The following CLIP1 variants were observed in gnomAD, a reference collection of about 807,000 sequenced individuals.
CLIP1 encodes the protein CAP-Gly domain-containing linker protein 1.
A neutral mutation model predicts 161.6 loss-of-function variants in CLIP1; 66 were observed. The ratio of observed to expected loss-of-function variants is 0.41; its 90% CI spans 0.33 to 0.50. The LOEUF is 0.50. Ranked by LOEUF, CLIP1 falls within the 20% of genes least tolerant of loss-of-function variation. The pLI, the probability that CLIP1 is intolerant of heterozygous loss-of-function variation, is 0.27. For synonymous variants in CLIP1, 598 were observed against 626.2 expected, an observed-to-expected ratio of 0.96 and a Z score of 0.67; for missense variants, 1,376 against 1,702.0, an observed-to-expected ratio of 0.81 and a Z score of 3.37.
In CLIP1 at chr12:122,311,265, G is replaced by A. The variant is rs1951052803; in HGVS notation, c.3474-1383C>T. ...CTGCCTTCATGAGTGGCTACATGGT[G>A]TCTGCATGTGTGTGGCCTGTCAAAG... On this transcript the variant is annotated intron_variant, in intron 19 of 25. Transcript: ENST00000620786. This position sits in a 1 kb window ranked among gnomAD's most constrained non-coding sequence, Gnocchi z 4.3. 6.6e-6 allele frequency among the ~76,000 whole-genome samples: 1 copy of A among 151,954 alleles called. No individual in the cohort carries two copies. The highest frequency in any genetic ancestry group is 1.5e-5 in the Non-Finnish European group (1 of 67,986).
chr12:122,301,110 A>G lies in CLIP1; in HGVS notation c.3594+8652T>C, dbSNP rs138631527. Among the ~76,000 whole-genome samples the G allele has an allele frequency of 3.0e-4, 46 of 152,336 alleles. No homozygotes were observed. The East Asian group carries it at 6.6e-3, about 22-fold the overall frequency. On this transcript the variant is annotated intron_variant, in intron 20 of 25. Transcript: ENST00000620786. ...GAATCGTTCCAGATTAAAGATGACT[A>G]AAGAGACACGACAACTCAGTGAAAA...
chr12:122,388,434 T>C (rs1220674060), intron 1 of CLIP1, among the ~76,000 whole-genome samples: 1 of 152,154 alleles, frequency 6.6e-6, no homozygotes, highest in African/African-American at 2.4e-5. Flanking sequence ...TTAGCCAGGA[T>C]GGTCTCCATC....
intron 5 of CLIP1, among the ~76,000 whole-genome samples, chr12:122,357,913 C>A (rs1041356391): frequency 6.6e-6 from 1 of 151,892 alleles, no homozygotes; most frequent in African/African-American, 2.4e-5. Context: ...CCCCTCTGCC[C>A]GGCCACCACC....
intron 20 of CLIP1, among the ~76,000 whole-genome samples, chr12:122,299,099 A>T (rs1472966262): frequency 6.6e-6 from 1 of 152,204 alleles, no homozygotes; most frequent in Non-Finnish European, 1.5e-5. Context: ...TGCTGAAAAG[A>T]CAACAGCTAC....
At chr12:122,381,757 C>T (rs1332300775) in intron 1 of CLIP1, among the ~76,000 whole-genome samples, 3 of 152,200 alleles carry the variant, frequency 2.0e-5, no homozygotes, top group Non-Finnish European at 2.9e-5. Context: ...GACAAAGGTA[C>T]ATGCAGCCCA....
intron 1 of CLIP1, among the ~76,000 whole-genome samples, chr12:122,412,207 C>G (rs1438324012): frequency 6.6e-6 from 1 of 151,058 alleles, no homozygotes; most frequent in Non-Finnish European, 1.5e-5. Flanking sequence ...TAGCTGAGAC[C>G]ACAGGTACAC....
At position 122,298,057 on chromosome 12, in the gene CLIP1, C is replaced by G. The variant is rs571976220; in HGVS notation, c.3595-9516G>C. ...CCCACGGCATTGGTCAAGGCTGTTG[C>G]TGGGCCTGCATCATGGCTCAGTTTC... On this transcript the variant is annotated intron_variant, in intron 20 of 25. Transcript: ENST00000620786. 4.6e-5 allele frequency among the ~76,000 whole-genome samples: 7 copies of G among 152,328 alleles called. No homozygotes were observed. The East Asian group carries it at 1.4e-3, about 29-fold the overall frequency.
intron 1 of CLIP1, among the ~76,000 whole-genome samples, chr12:122,409,436 G>A (rs1566243161): frequency 1.3e-5 from 2 of 151,754 alleles, no homozygotes; most frequent in African/African-American, 4.8e-5. Context: ...TATATTTCAA[G>A]AGAAGCAGTC....
chr12:122,306,952 A>C (rs1950894184), intron 20 of CLIP1, among the ~76,000 whole-genome samples: 1 of 151,432 alleles, frequency 6.6e-6, no homozygotes, highest in African/African-American at 2.4e-5. Context: ...CACAATTTCA[A>C]ATCTCAGCTC....
At chr12:122,414,124 T>G (rs1420558963) in intron 1 of CLIP1, among the ~76,000 whole-genome samples, 1 of 152,214 alleles carries the variant, frequency 6.6e-6, no homozygotes, top group South Asian at 2.1e-4. Context: ...ACTTTGGTTT[T>G]GGGGGTTTGT....
At chr12:122,353,759 T>A (rs927963739) in intron 7 of CLIP1, among the ~76,000 whole-genome samples, 33 of 151,668 alleles carry the variant, frequency 2.2e-4, no homozygotes, top group Non-Finnish European at 4.3e-4. Context: ...GCCTCCCAAG[T>A]AGCTGGGATT....
chr12:122,321,323 G>A (rs984851378), intron 17 of CLIP1, among the ~76,000 whole-genome samples: 1 of 151,064 alleles, frequency 6.6e-6, no homozygotes, highest in Non-Finnish European at 1.5e-5. Flanking sequence ...TCGGCTCACT[G>A]CAACCTCCAT....
rs760491198 is a variant in CLIP1, at chr12:122,341,239, TTCTGCCGTC to T, written c.1956_1964del (p.Thr653_Glu655del). The T allele has an allele frequency of 1.8e-4, 286 of 1,614,056 alleles. No individual in the cohort carries two copies. The highest frequency in any genetic ancestry group is 2.3e-4 in the Non-Finnish European group (273 of 1,180,042). On this transcript the variant is annotated inframe_deletion, in exon 11 of 26. Coordinates refer to ENST00000620786, the MANE Select transcript of CLIP1 (RefSeq NM_001247997.2). ...CTATTTGTGTTTTTAGTTCAGCAAA[TTCTGCCGTC>T]TCTGTTCCAAGCCCTTTGCTGAAAG...
chr12:122,338,323 TAAAAAC>T (rs1387423470), intron 11 of CLIP1, among the ~76,000 whole-genome samples: 1 of 151,944 alleles, frequency 6.6e-6, no homozygotes, highest in Non-Finnish European at 1.5e-5. Context: ...AATAAATAAA[TAAAAAC>T]AAAAACCTTA....
rs185623906 is a variant in CLIP1 at position 122,361,798 on chromosome 12, T to C, written c.783-617A>G. 3.8e-3 allele frequency among the ~76,000 whole-genome samples: 573 copies of C among 152,230 alleles called. 2 individuals carry two copies. Among genetic ancestry groups the C allele is most frequent in the African/African-American group, 0.013 (548 of 41,524 alleles). On this transcript the variant is annotated intron_variant, in intron 4 of 25. Coordinates refer to ENST00000620786, the MANE Select transcript of CLIP1 (RefSeq NM_001247997.2). ...GTAACCCGAGATTGCACCACTGTAGTCCAGCCTGGGTGACGGGGTGGACTC... is the reference window on the plus strand; with the variant it reads ...GTAACCCGAGATTGCACCACTGTAGCCCAGCCTGGGTGACGGGGTGGACTC...
At chr12:122,346,485 A>G (rs1464818053) in intron 10 of CLIP1, among the ~76,000 whole-genome samples, 1 of 151,888 alleles carries the variant, frequency 6.6e-6, no homozygotes, top group Non-Finnish European at 1.5e-5. Flanking sequence ...TTCCCTCCTC[A>G]CCACTGAGGG....
At chr12:122,309,664 C>G (rs1950996151) in intron 20 of CLIP1, 98 bp downstream of exon 20, 1 of 1,438,682 alleles carries the variant, frequency 7.0e-7, no homozygotes, top group Non-Finnish European at 9.6e-7. Flanking sequence ...AATGACCCCA[C>G]CACACTGAGC....
rs116009031 is a variant in CLIP1 at position 122,385,297 on chromosome 12, A to T, written c.-106-4739T>A. Reference sequence around the variant, plus strand: ...TGGGACAGGACATCTGAGATGGGTAAAAAGGGACATGAAGGCAAAGTAGCG... The same window carrying T: ...TGGGACAGGACATCTGAGATGGGTATAAAGGGACATGAAGGCAAAGTAGCG... On this transcript the variant is annotated intron_variant, in intron 1 of 25. Coordinates refer to ENST00000620786, the MANE Select transcript of CLIP1 (RefSeq NM_001247997.2). Among the ~76,000 whole-genome samples, 119 of 152,218 alleles carry T rather than the reference A, an allele frequency of 7.8e-4. 1 individual carries two copies. The highest frequency in any genetic ancestry group is 3.4e-3 in the Middle Eastern group (1 of 294).
intron 3 of CLIP1, among the ~76,000 whole-genome samples, chr12:122,368,524 A>G (rs1429330696): frequency 6.6e-6 from 1 of 152,190 alleles, no homozygotes; most frequent in Non-Finnish European, 1.5e-5. Context: ...ACAGTGCCTG[A>G]GTGCATAAAG....
Sources: allele counts gnomAD v4.1 joint callset (sites outside exome capture counted in the v4.1 genomes callset), GRCh38; gene constraint gnomAD v4.1.1; non-coding constraint Gnocchi (gnomAD v3.1); transcripts MANE v1.5; gene names NCBI Gene and HGNC (gene_info 2026-07-23, HGNC 2026-07-21).